Variants in NKAIN2 observed in about 807,000 individuals in gnomAD.
NKAIN2 encodes the protein sodium/potassium-transporting ATPase subunit beta-1-interacting protein 2.
Under a neutral mutation model 32.6 loss-of-function variants are expected in NKAIN2, and 14 were observed. That is an observed-to-expected ratio of 0.43 (90% CI 0.28 to 0.67). The LOEUF (loss-of-function observed/expected upper bound fraction) is 0.67. Ranked by LOEUF, NKAIN2 falls within the 30% of genes least tolerant of loss-of-function variation. NKAIN2 has a pLI of 0.17. For missense variants in NKAIN2, 198 were observed against 258.3 expected (o/e 0.77, Z 1.60); for synonymous variants, 80 against 87.2 (o/e 0.92, Z 0.46).
At chr6:124,678,918 G>T (rs1241056257) in intron 4 of NKAIN2, among the ~76,000 whole-genome samples, 1 of 152,094 alleles carries the variant, frequency 6.6e-6, no homozygotes, top group Admixed American at 6.6e-5. Flanking sequence ...ATCTTCTCTG[G>T]ACTAGTGTGT....
chr6:124,270,541 T>C (rs1259869573), intron 1 of NKAIN2, among the ~76,000 whole-genome samples: 1 of 152,186 alleles, frequency 6.6e-6, no homozygotes, highest in South Asian at 2.1e-4. Context: ...GAGAAAGTCA[T>C]TTGCTATGAG....
At chr6:124,806,865 G>T (rs1414570126) in intron 5 of NKAIN2, among the ~76,000 whole-genome samples, 1 of 151,926 alleles carries the variant, frequency 6.6e-6, no homozygotes, top group South Asian at 2.1e-4. Context: ...CAGACTTTAA[G>T]CCAACAAAGA....
intron 1 of NKAIN2, among the ~76,000 whole-genome samples, chr6:124,037,283 T>C (rs900719970): frequency 6.6e-6 from 1 of 152,172 alleles, no homozygotes; most frequent in Non-Finnish European, 1.5e-5. Flanking sequence ...CATACTGTGT[T>C]ACTACCTAAA....
intron 1 of NKAIN2, among the ~76,000 whole-genome samples, chr6:124,279,288 A>C (rs1795185339): frequency 6.6e-6 from 1 of 152,078 alleles, no homozygotes; most frequent in Admixed American, 6.5e-5. Context: ...TGGGCCGATC[A>C]TGAGGTCAGG....
At chr6:124,028,487 C>T (rs1037568232) in intron 1 of NKAIN2, among the ~76,000 whole-genome samples, 1 of 150,872 alleles carries the variant, frequency 6.6e-6, no homozygotes, top group Non-Finnish European at 1.5e-5. Flanking sequence ...CACATGTATG[C>T]ATATGTAACA....
At chr6:124,081,105 T>C (rs540772018) in intron 1 of NKAIN2, among the ~76,000 whole-genome samples, 1 of 152,270 alleles carries the variant, frequency 6.6e-6, no homozygotes, top group South Asian at 2.1e-4. Context: ...AGATTTATAT[T>C]GCATATTGAC....
At chr6:124,382,720 C>T (rs1016765998) in intron 3 of NKAIN2, among the ~76,000 whole-genome samples, 3 of 152,170 alleles carry the variant, frequency 2.0e-5, no homozygotes, top group Admixed American at 2.0e-4. Context: ...AATTAATGCA[C>T]TGTCTCAAGG....
chr6:123,912,681 C>T (rs1440577222), intron 1 of NKAIN2, among the ~76,000 whole-genome samples: 1 of 152,198 alleles, frequency 6.6e-6, no homozygotes, highest in African/African-American at 2.4e-5. Flanking sequence ...TCCCCTTCAC[C>T]TTCTGCTGTT....
In NKAIN2 at chr6:124,413,032, A is replaced by G. The variant is rs1774285093; in HGVS notation, c.273+57685A>G. On this transcript the variant is annotated intron_variant, in intron 3 of 6. Coordinates refer to ENST00000368417, the MANE Select transcript of NKAIN2 (RefSeq NM_001040214.3). Reference sequence around the variant, plus strand: ...GTTAAGCCCGTTGGAAAAGTGCAGTATTAAAGTGGGAGTGACCCGATTTTC... The same window carrying G: ...GTTAAGCCCGTTGGAAAAGTGCAGTGTTAAAGTGGGAGTGACCCGATTTTC... Among the ~76,000 whole-genome samples, 4 of 152,248 alleles carry G rather than the reference A, an allele frequency of 2.6e-5. No individual in the cohort carries two copies. In the South Asian group the frequency reaches 8.3e-4, roughly 32 times the overall value.
chr6:124,031,387 G>A (rs776930953), intron 1 of NKAIN2, among the ~76,000 whole-genome samples: 4 of 152,066 alleles, frequency 2.6e-5, no homozygotes, highest in Non-Finnish European at 5.9e-5. Flanking sequence ...TTTTTGAAGG[G>A]TTTTTCTGTG....
At chr6:124,349,601 C>T (rs1418104709) in intron 2 of NKAIN2, among the ~76,000 whole-genome samples, 5 of 152,094 alleles carry the variant, frequency 3.3e-5, no homozygotes, top group Admixed American at 1.3e-4. Flanking sequence ...CACTTGCATC[C>T]AGCTGGTATT....
chr6:123,970,415 G>A (rs1403327303), intron 1 of NKAIN2, among the ~76,000 whole-genome samples: 3 of 152,070 alleles, frequency 2.0e-5, no homozygotes, highest in East Asian at 1.9e-4. Flanking sequence ...TAATTGCCAC[G>A]AAAGCCTAAG....
At chr6:123,962,738 G>A (rs1777904119) in intron 1 of NKAIN2, among the ~76,000 whole-genome samples, 1 of 152,156 alleles carries the variant, frequency 6.6e-6, no homozygotes, top group African/African-American at 2.4e-5. Context: ...GCCACGTGAG[G>A]CACATTAGGT....
At chr6:124,357,931 G>C (rs1054941039) in intron 3 of NKAIN2, among the ~76,000 whole-genome samples, 2 of 150,876 alleles carry the variant, frequency 1.3e-5, no homozygotes, top group Non-Finnish European at 2.9e-5. Flanking sequence ...CCCCCAACCC[G>C]CACGCCACAA....
chr6:124,105,036 G>A (rs558667709), intron 1 of NKAIN2, among the ~76,000 whole-genome samples: 3 of 152,150 alleles, frequency 2.0e-5, no homozygotes, highest in South Asian at 4.1e-4. Flanking sequence ...GTGAGGTACT[G>A]TGAAAAAAGC....
At chr6:124,656,239 C>A (rs1784534504) in intron 3 of NKAIN2, among the ~76,000 whole-genome samples, 1 of 152,130 alleles carries the variant, frequency 6.6e-6, no homozygotes, top group Non-Finnish European at 1.5e-5. Flanking sequence ...GTGGTTACTT[C>A]CAGATAATAA....
chr6:124,340,500 G>C (rs1299850193), intron 2 of NKAIN2, among the ~76,000 whole-genome samples: 1 of 151,974 alleles, frequency 6.6e-6, no homozygotes, highest in Non-Finnish European at 1.5e-5. Context: ...GTACCCAATA[G>C]TTATTTTTTC....
intron 3 of NKAIN2, among the ~76,000 whole-genome samples, chr6:124,537,537 GTATA>G (rs1451312529): frequency 6.6e-6 from 1 of 152,138 alleles, no homozygotes; most frequent in Non-Finnish European, 1.5e-5. Context: ...AACACACACA[GTATA>G]TATCTATGTC....
At chr6:123,855,366 A>T (rs1775517242) in intron 1 of NKAIN2, among the ~76,000 whole-genome samples, 1 of 152,202 alleles carries the variant, frequency 6.6e-6, no homozygotes. Context: ...AATACTGTCA[A>T]TGTGACATCA....
Sources: gnomAD v4.1 joint callset for allele counts (sites outside exome capture counted in the v4.1 genomes callset) on GRCh38, gnomAD v4.1.1 for gene constraint, MANE v1.5 for transcripts, NCBI Gene and HGNC (gene_info 2026-07-23, HGNC 2026-07-21) for gene names.